Variants in OR14I1 observed in about 807,000 individuals in gnomAD.
OR14I1 encodes the protein olfactory receptor 14I1.
For missense variants in OR14I1, 279 were observed against 181.8 expected, an observed-to-expected ratio of 1.53 and a Z score of -3.07; for synonymous variants, 118 against 71.1, an observed-to-expected ratio of 1.66 and a Z score of -3.32.
chr1:248,682,251 G>C (rs1460779590), exon 1 of OR14I1: 1 of 771,430 alleles, frequency 1.3e-6, no homozygotes, highest in Non-Finnish European at 2.4e-6. Context: ...GCAGCTCCCA[G>C]ATACCAGAAA....
chr1:248,695,088 A>G, the OR14I1 span, among the ~76,000 whole-genome samples: 1 of 152,116 alleles, frequency 6.6e-6, no homozygotes, highest in African/African-American at 2.4e-5. Context: ...ACAAAAGGGG[A>G]TATGAGACAT....
At chr1:248,682,217 G>C (rs938757629) in exon 1 of OR14I1, 1 of 780,768 alleles carries the variant, frequency 1.3e-6, no homozygotes, top group African/African-American at 1.7e-5. Context: ...TAAATCAGCA[G>C]AAACAGCCCG....
At chr1:248,679,895 G>A (rs1161878181), downstream of OR14I1, among the ~76,000 whole-genome samples, 1 of 152,096 alleles carries the variant, frequency 6.6e-6, no homozygotes, top group Non-Finnish European at 1.5e-5. Flanking sequence ...TCTTATGAGA[G>A]AAAAACAGTG....
chr1:248,681,090 A>C (rs1428413891), downstream of OR14I1, among the ~76,000 whole-genome samples: 1 of 151,890 alleles, frequency 6.6e-6, no homozygotes, highest in Non-Finnish European at 1.5e-5. Context: ...CATGTGTGGA[A>C]TGGGAAGGAA....
chr1:248,698,567 A>C, the OR14I1 span, among the ~76,000 whole-genome samples: 1 of 152,228 alleles, frequency 6.6e-6, no homozygotes, highest in Non-Finnish European at 1.5e-5. Flanking sequence ...GGGTCTATAA[A>C]AGCATATGCT....
At chr1:248,696,729 C>T in the OR14I1 span, among the ~76,000 whole-genome samples, 5 of 152,218 alleles carry the variant, frequency 3.3e-5, no homozygotes, top group Non-Finnish European at 5.9e-5. Context: ...CTACCCTGCA[C>T]ATCCTGTCCT....
chr1:248,683,125 A>G (rs368627586), upstream of OR14I1, among the ~76,000 whole-genome samples: 30 of 152,348 alleles, frequency 2.0e-4, no homozygotes, highest in African/African-American at 6.7e-4. Flanking sequence ...AAGTTGCCCA[A>G]TGCACTGAAA....
At chr1:248,693,898 TTA>T in the OR14I1 span, among the ~76,000 whole-genome samples, 7 of 148,532 alleles carry the variant, frequency 4.7e-5, no homozygotes, top group African/African-American at 1.8e-4. Context: ...CCAGAACTTT[TTA>T]AAAAAAAAAA....
At chr1:248,680,692 T>C (rs887950969), downstream of OR14I1, among the ~76,000 whole-genome samples, 1 of 152,116 alleles carries the variant, frequency 6.6e-6, no homozygotes, top group Non-Finnish European at 1.5e-5. Context: ...GTGTAGAAAC[T>C]GAGGCACTAA....
exon 1 of OR14I1, chr1:248,682,272 C>T (rs764204784): frequency 2.6e-6 from 2 of 757,050 alleles, no homozygotes; most frequent in East Asian, 2.4e-5. Context: ...ACTCCATCAG[C>T]AGGAATTCTG....
At chr1:248,692,387 C>T in the OR14I1 span, among the ~76,000 whole-genome samples, 3 of 152,264 alleles carry the variant, frequency 2.0e-5, no homozygotes, top group Non-Finnish European at 4.4e-5. Context: ...TTCCCAACTG[C>T]ATCCCCCAAC....
chr1:248,696,522 T>A, the OR14I1 span, among the ~76,000 whole-genome samples: 1 of 152,324 alleles, frequency 6.6e-6, no homozygotes, highest in African/African-American at 2.4e-5. Flanking sequence ...CAGAGGCAGA[T>A]AGTGCAGAAG....
the OR14I1 span, among the ~76,000 whole-genome samples, chr1:248,701,305 C>A: frequency 6.6e-6 from 1 of 152,140 alleles, no homozygotes; most frequent in African/African-American, 2.4e-5. Flanking sequence ...GTGCCTGCCA[C>A]CACATCCGGC....
upstream of OR14I1, among the ~76,000 whole-genome samples, chr1:248,684,090 A>C (rs1044625363): frequency 5.3e-5 from 8 of 152,268 alleles, no homozygotes; most frequent in African/African-American, 1.9e-4. Context: ...CGAGCAATAC[A>C]TATTTACAAT....
downstream of OR14I1, among the ~76,000 whole-genome samples, chr1:248,678,846 G>GA (rs148179796): frequency 2.7e-5 from 4 of 150,714 alleles, no homozygotes; most frequent in Admixed American, 6.6e-5. Context: ...TTTGGAGGCT[G>GA]AAAAAAAAAT....
chr1:248,692,453 C>T, the OR14I1 span, among the ~76,000 whole-genome samples: 1 of 152,262 alleles, frequency 6.6e-6, no homozygotes, highest in Non-Finnish European at 1.5e-5. Flanking sequence ...CACATCCCTG[C>T]TCTGATTCCC....
the OR14I1 span, among the ~76,000 whole-genome samples, chr1:248,690,384 T>C: frequency 6.6e-6 from 1 of 151,696 alleles, no homozygotes; most frequent in African/African-American, 2.4e-5. Context: ...TAATAAAAAA[T>C]GGTAAAGGGG....
At chr1:248,693,030 G>C in the OR14I1 span, among the ~76,000 whole-genome samples, 1 of 152,174 alleles carries the variant, frequency 6.6e-6, no homozygotes, top group South Asian at 2.1e-4. Flanking sequence ...AGGTTATAGG[G>C]TACTGTGTGA....
downstream of OR14I1, among the ~76,000 whole-genome samples, chr1:248,678,332 A>C (rs1267759537): frequency 1.3e-5 from 2 of 152,222 alleles, no homozygotes. Flanking sequence ...TTTATTTCAA[A>C]GACTCATGAA....
Sources: gnomAD v4.1 joint callset for allele counts (sites outside exome capture counted in the v4.1 genomes callset) on GRCh38, gnomAD v4.1.1 for gene constraint, MANE v1.5 for transcripts, NCBI Gene and HGNC (gene_info 2026-07-23, HGNC 2026-07-21) for gene names.